Variants in MIPEP observed in about 807,000 individuals in gnomAD.
MIPEP encodes the protein mitochondrial intermediate peptidase.
MIPEP carries 79 observed loss-of-function variants against 90.3 expected under a neutral mutation model. That is an observed-to-expected ratio of 0.87 (90% confidence interval 0.73 to 1.05). The LOEUF is 1.05. MIPEP is among the 50% of genes least tolerant of loss of function. The pLI is 0.00. For missense variants in MIPEP, 940 were observed against 905.6 expected, an observed-to-expected ratio of 1.04 and a Z score of -0.49; for synonymous variants, 334 against 315.8, an observed-to-expected ratio of 1.06 and a Z score of -0.61.
At chr13:23,759,362 C>G (rs1441699454) in intron 17 of MIPEP, among the ~76,000 whole-genome samples, 1 of 151,608 alleles carries the variant, frequency 6.6e-6, no homozygotes, top group African/African-American at 2.4e-5. Flanking sequence ...CCTCTCCAGA[C>G]AGCACGGGAT....
intron 18 of MIPEP, among the ~76,000 whole-genome samples, chr13:23,738,242 G>A (rs1280010628): frequency 6.6e-6 from 1 of 151,998 alleles, no homozygotes; most frequent in East Asian, 1.9e-4. Context: ...GGCTGCATGT[G>A]GCCCAGGATG....
chr13:23,840,272 C>T (rs1412213778), intron 11 of MIPEP, among the ~76,000 whole-genome samples: 1 of 152,154 alleles, frequency 6.6e-6, no homozygotes, highest in Non-Finnish European at 1.5e-5. Flanking sequence ...ATGATTCCAT[C>T]AAAGAGAACC....
intron 18 of MIPEP, among the ~76,000 whole-genome samples, chr13:23,732,864 C>T (rs12583382): frequency 0.18 from 28,115 of 152,098 alleles, 3,144 homozygotes; most frequent in East Asian, 0.42. Flanking sequence ...GTACATGCAT[C>T]AAAATTCATT....
At chr13:23,781,117 C>T (rs1952777988) in intron 16 of MIPEP, among the ~76,000 whole-genome samples, 1 of 152,158 alleles carries the variant, frequency 6.6e-6, no homozygotes, top group African/African-American at 2.4e-5. Flanking sequence ...CACAAAGATA[C>T]TCCTCGAGAA....
Position 23,879,365 on chromosome 13 carries a change from T to C in MIPEP, c.453-11A>G, listed in dbSNP as rs1238643189. The C allele has an allele frequency of 3.6e-6, 5 of 1,400,134 alleles. No individual in the cohort carries two copies. Among genetic ancestry groups the C allele is most frequent in the Admixed American group, 3.8e-5 (2 of 52,092 alleles). 86.7% of individuals were successfully genotyped at this position (1,400,134 alleles called of 1,614,324 possible). On this transcript the variant is annotated splice_polypyrimidine_tract_variant and intron_variant, in intron 3 of 18. Transcript: ENST00000382172. ...ACATTTGTGTTCAACCTAGAAAAAA[T>C]AGAAATTTAAAAAATTAGATGATTT...
intron 5 of MIPEP, among the ~76,000 whole-genome samples, chr13:23,872,905 T>C (rs1311015645): frequency 6.6e-6 from 1 of 152,222 alleles, no homozygotes; most frequent in Non-Finnish European, 1.5e-5. Flanking sequence ...AGCATTATCA[T>C]GATTTGTCAT....
intron 16 of MIPEP, among the ~76,000 whole-genome samples, chr13:23,763,379 C>T (rs762785122): frequency 2.0e-5 from 3 of 152,194 alleles, no homozygotes; most frequent in African/African-American, 7.2e-5. Flanking sequence ...AGGGTGGAAG[C>T]CCCGGAATTT....
At chr13:23,856,960 T>C (rs1408459751) in intron 10 of MIPEP, among the ~76,000 whole-genome samples, 1 of 151,990 alleles carries the variant, frequency 6.6e-6, no homozygotes, top group Non-Finnish European at 1.5e-5. Context: ...TTTAATATTC[T>C]AAATATTGAG....
At chr13:23,809,987 A>T (rs1953154411) in intron 14 of MIPEP, 63 bp from the exon 15 acceptor site, 1 of 941,188 alleles carries the variant, frequency 1.1e-6, no homozygotes, top group Non-Finnish European at 1.6e-6. Context: ...CACTATGTAT[A>T]AGCCAGGAAA....
At chr13:23,827,608 A>T (rs1036901801) in intron 14 of MIPEP, among the ~76,000 whole-genome samples, 13 of 152,250 alleles carry the variant, frequency 8.5e-5, no homozygotes, top group Non-Finnish European at 1.6e-4. Context: ...CCAGCAAATA[A>T]TGACAAAGAA....
intron 8 of MIPEP, among the ~76,000 whole-genome samples, chr13:23,863,108 G>T (rs1310208822): frequency 6.6e-6 from 1 of 152,234 alleles, no homozygotes; most frequent in African/African-American, 2.4e-5. Context: ...AGAAATGTGA[G>T]CCAAGATCCA....
At chr13:23,871,430 T>C (rs192190677) in intron 5 of MIPEP, among the ~76,000 whole-genome samples, 15 of 152,260 alleles carry the variant, frequency 9.9e-5, no homozygotes, top group Admixed American at 2.0e-4. Context: ...TTTTCAGTTA[T>C]TGGTTACTCA....
chr13:23,763,506 T>A (rs1352073423), intron 16 of MIPEP, among the ~76,000 whole-genome samples: 2 of 152,248 alleles, frequency 1.3e-5, no homozygotes, highest in Non-Finnish European at 2.9e-5. Context: ...AGATTCAAGC[T>A]GAATACAGCT....
chr13:23,735,136 C>A (rs767325517), intron 18 of MIPEP, among the ~76,000 whole-genome samples: 3 of 152,266 alleles, frequency 2.0e-5, no homozygotes, highest in East Asian at 1.9e-4. Flanking sequence ...GCTTTTCCTG[C>A]GGGCTACGTG....
intron 16 of MIPEP, among the ~76,000 whole-genome samples, chr13:23,762,520 G>A (rs1014807948): frequency 1.3e-5 from 2 of 152,142 alleles, no homozygotes; most frequent in Non-Finnish European, 2.9e-5. Flanking sequence ...TTAGGACATG[G>A]GGGCAGCACC....
At chr13:23,870,956 G>T (rs1175258999) in intron 5 of MIPEP, among the ~76,000 whole-genome samples, 1 of 152,244 alleles carries the variant, frequency 6.6e-6, no homozygotes, top group African/African-American at 2.4e-5. Context: ...AGGATCACTT[G>T]AGCCCAGGAG....
intron 14 of MIPEP, among the ~76,000 whole-genome samples, chr13:23,827,311 A>G (rs143033100): frequency 6.6e-6 from 1 of 152,346 alleles, no homozygotes; most frequent in African/African-American, 2.4e-5. Flanking sequence ...CTTTATGTGA[A>G]TAAGCTGAAG....
intron 14 of MIPEP, among the ~76,000 whole-genome samples, chr13:23,821,646 C>T (rs1953306274): frequency 6.6e-6 from 1 of 152,184 alleles, no homozygotes; most frequent in Admixed American, 6.5e-5. Flanking sequence ...GTACAACCTG[C>T]AGTATCTGAG....
chr13:23,874,818 G>A (rs749345018), intron 5 of MIPEP, 28 bp downstream of exon 5: 2 of 1,552,006 alleles, frequency 1.3e-6, no homozygotes, highest in Non-Finnish European at 1.7e-6. Flanking sequence ...AAAACTGGAA[G>A]AGTCAAAAAA....
Sources: gnomAD v4.1 joint callset for allele counts (sites outside exome capture counted in the v4.1 genomes callset) on GRCh38, gnomAD v4.1.1 for gene constraint, MANE v1.5 for transcripts, NCBI Gene and HGNC (gene_info 2026-07-23, HGNC 2026-07-21) for gene names.